The following TRPS1 variants were observed in gnomAD, a reference collection of about 807,000 sequenced individuals.
TRPS1 encodes zinc finger transcription factor Trps1.
A neutral mutation model predicts 101.2 loss-of-function variants in TRPS1; 6 were observed. The ratio of observed to expected loss-of-function variants is 0.06; its 90% CI spans 0.03 to 0.12. The LOEUF is 0.12. Among genes scored for constraint, TRPS1 ranks in the 10% least tolerant of loss-of-function variants. The pLI is 1.00. For synonymous variants in TRPS1, 578 were observed against 589.8 expected (o/e 0.98, Z 0.29); for missense variants, 1,363 against 1,567.0 (o/e 0.87, Z 2.20).
intron 5 of TRPS1, among the ~76,000 whole-genome samples, chr8:115,516,769 G>C (rs1449015676): frequency 6.6e-6 from 1 of 151,460 alleles, no homozygotes; most frequent in South Asian, 2.1e-4. Context: ...AGGTTAAAGA[G>C]TATGAATAAA....
At chr8:115,637,075 G>A (rs1045087401) in intron 1 of TRPS1, among the ~76,000 whole-genome samples, 1 of 152,134 alleles carries the variant, frequency 6.6e-6, no homozygotes, top group African/African-American at 2.4e-5. Context: ...ACAGAGATGA[G>A]AGTGAAGATT....
At chr8:115,613,665 T>C (rs373548233) in intron 3 of TRPS1, among the ~76,000 whole-genome samples, 8 of 152,214 alleles carry the variant, frequency 5.3e-5, no homozygotes, top group Non-Finnish European at 8.8e-5. Flanking sequence ...TTTTTTTAAA[T>C]GGACATAAGG....
Position 115,412,945 on chromosome 8 carries a change from TGTCA to T in TRPS1, c.*1074_*1077del, listed in dbSNP as rs1418740211. 2.0e-5 allele frequency: 3 copies of T among 152,582 alleles called. No individual in the cohort carries two copies. The Admixed American group carries it at 2.0e-4, about 10-fold the overall frequency. 9.5% of individuals were successfully genotyped at this position (152,582 alleles called of 1,614,324 possible). Reference sequence around the variant, plus strand: ...GGGATTGGCTGGTACATATACCAACTGTCAGTCTGTGGTAACGTAACCTTAGACG... The same window carrying T: ...GGGATTGGCTGGTACATATACCAACTGTCTGTGGTAACGTAACCTTAGACG... On this transcript the variant is annotated 3_prime_UTR_variant, in exon 7 of 7. Coordinates refer to ENST00000395715, the MANE Select transcript of TRPS1 (RefSeq NM_014112.5).
chr8:115,634,183 A>C (rs1376433842), intron 1 of TRPS1, among the ~76,000 whole-genome samples: 1 of 152,168 alleles, frequency 6.6e-6, no homozygotes, highest in Non-Finnish European at 1.5e-5. Context: ...ATGATATGAT[A>C]ATTTAACACT....
intron 5 of TRPS1, among the ~76,000 whole-genome samples, chr8:115,513,063 A>G (rs1815623509): frequency 6.6e-6 from 1 of 151,718 alleles, no homozygotes; most frequent in African/African-American, 2.4e-5. Context: ...ATATTTTCAA[A>G]AAAGATTGTT....
chr8:115,498,407 CTCTCTCTCTATATATATATATATA>C (rs1291987624), intron 5 of TRPS1, among the ~76,000 whole-genome samples: 302 of 85,070 alleles, frequency 3.6e-3, no homozygotes, highest in African/African-American at 0.016. Flanking sequence ...CTCTCTCTCT[CTCTCTCTCTATATATATATATATA>C]TATATATATA....
chr8:115,442,487 C>T (rs754673393), intron 5 of TRPS1, among the ~76,000 whole-genome samples: 2 of 151,900 alleles, frequency 1.3e-5, no homozygotes, highest in East Asian at 1.9e-4. Flanking sequence ...AATGTACATA[C>T]ATACTTTCTT....
intron 1 of TRPS1, chr8:115,667,830 C>G (rs1055145036): frequency 8.5e-6 from 13 of 1,534,940 alleles, no homozygotes; most frequent in East Asian, 2.4e-5. Context: ...TACGGAGGCC[C>G]GTCTCTGAGA....
At chr8:115,439,321 G>C (rs761222622) in intron 5 of TRPS1, among the ~76,000 whole-genome samples, 10 of 152,178 alleles carry the variant, frequency 6.6e-5, no homozygotes, top group Non-Finnish European at 1.5e-4. Context: ...ATGTTACAAA[G>C]TCAAGGGATT....
In TRPS1 at chr8:115,415,097, C is replaced by A. The variant is rs1406950160; in HGVS notation, c.2824-13G>T. 1 of 1,585,256 alleles carries A rather than the reference C, an allele frequency of 6.3e-7. No individual in the cohort carries two copies. The highest frequency in any genetic ancestry group is 8.5e-7 in the Non-Finnish European group (1 of 1,171,378). The stretch of plus-strand genomic sequence containing the variant: ...AAGGCCTGGGAGTCTGCAGAGAACA[C>A]ATACAATACATAAAAGGAAAACATT... On this transcript the variant is annotated splice_polypyrimidine_tract_variant and intron_variant, in intron 6 of 6. Transcript: ENST00000395715.
chr8:115,580,429 A>G (rs1817418509), intron 5 of TRPS1, among the ~76,000 whole-genome samples: 1 of 151,884 alleles, frequency 6.6e-6, no homozygotes, highest in Non-Finnish European at 1.5e-5. Flanking sequence ...TCAACACTAC[A>G]TACCTCATTT....
intron 5 of TRPS1, among the ~76,000 whole-genome samples, chr8:115,452,178 C>G (rs1813891757): frequency 1.3e-5 from 2 of 152,282 alleles, no homozygotes; most frequent in South Asian, 2.1e-4. Flanking sequence ...GCCAGAGGCC[C>G]TAACTCCCTG....
chr8:115,431,775 T>C (rs1256513655), intron 5 of TRPS1, among the ~76,000 whole-genome samples: 2 of 151,954 alleles, frequency 1.3e-5, no homozygotes, highest in Non-Finnish European at 2.9e-5. Flanking sequence ...ATTTGATTCC[T>C]AGATTATAAA....
At chr8:115,447,609 C>A (rs1453332418) in intron 5 of TRPS1, among the ~76,000 whole-genome samples, 1 of 151,988 alleles carries the variant, frequency 6.6e-6, no homozygotes, top group Non-Finnish European at 1.5e-5. Flanking sequence ...AGCCTAGTTT[C>A]TTTTTGGAGG....
At chr8:115,668,153 C>A (rs1456478775) in intron 1 of TRPS1, 4 of 562,682 alleles carry the variant, frequency 7.1e-6, no homozygotes, top group Admixed American at 6.5e-5. Flanking sequence ...CCAGGGGCTA[C>A]TGCAGTTTGA....
intron 5 of TRPS1, among the ~76,000 whole-genome samples, chr8:115,538,779 A>G (rs1586380411): frequency 2.0e-5 from 3 of 152,262 alleles, no homozygotes; most frequent in Middle Eastern, 6.8e-3. Flanking sequence ...GACAACTCCT[A>G]TTTCACTGAC....
intron 5 of TRPS1, among the ~76,000 whole-genome samples, chr8:115,550,379 C>A (rs978679992): frequency 6.6e-6 from 1 of 152,168 alleles, no homozygotes; most frequent in Non-Finnish European, 1.5e-5. Context: ...GCTGGCTCAG[C>A]CACTACTTAG....
chr8:115,441,946 A>G (rs1249351319), intron 5 of TRPS1, among the ~76,000 whole-genome samples: 1 of 147,600 alleles, frequency 6.8e-6, no homozygotes, highest in African/African-American at 2.5e-5. Context: ...GTGGGATGGT[A>G]GCCTCTGGCT....
At chr8:115,631,717 T>TCTTCAAAAGCAGA (rs747492461) in intron 1 of TRPS1, among the ~76,000 whole-genome samples, 36 of 152,100 alleles carry the variant, frequency 2.4e-4, no homozygotes, top group Non-Finnish European at 4.7e-4. Flanking sequence ...ATTGCTTTTG[T>TCTTCAAAAGCAGA]CTTCAAGGAA....
Sources: allele counts gnomAD v4.1 joint callset (sites outside exome capture counted in the v4.1 genomes callset), GRCh38; gene constraint gnomAD v4.1.1; transcripts MANE v1.5; gene names NCBI Gene and HGNC (gene_info 2026-07-23, HGNC 2026-07-21).